The following TAF15 variants were observed in gnomAD, a reference collection of about 807,000 sequenced individuals.
TAF15 encodes TATA-binding protein-associated factor 2N.
Under a neutral mutation model 102.5 loss-of-function variants are expected in TAF15, and 37 were observed. The observed-to-expected ratio is 0.36, with a 90% CI of 0.28 to 0.47. The LOEUF (loss-of-function observed/expected upper bound fraction) is 0.47. Among genes scored for constraint, TAF15 ranks in the 20% least tolerant of loss-of-function variants. The pLI is 0.99. For missense variants in TAF15, 652 were observed against 760.7 expected, an observed-to-expected ratio of 0.86 and a Z score of 1.68; for synonymous variants, 273 against 259.2, an observed-to-expected ratio of 1.05 and a Z score of -0.51.
At chr17:35,842,298 T>A (rs2087557733) in intron 11 of TAF15, 69 bp from the exon 12 acceptor site, 2 of 1,220,340 alleles carry the variant, frequency 1.6e-6, no homozygotes, top group South Asian at 1.3e-5. Context: ...TTTCCAAGAC[T>A]TTTTCATTTT....
At chr17:35,817,367 T>C in intron 1 of TAF15, 1 of 277,822 alleles carries the variant, frequency 3.6e-6, no homozygotes, top group Non-Finnish European at 6.9e-6. Flanking sequence ...AGTGCATGTC[T>C]TTCCCCTTTT....
chr17:35,820,461 G>A (rs766423142), intron 5 of TAF15, 24 bp downstream of exon 5: 1 of 1,599,636 alleles, frequency 6.3e-7, no homozygotes, highest in South Asian at 1.1e-5. Flanking sequence ...AAAATACTGA[G>A]ATTGTTTTGG....
At chr17:35,843,360 A>G (rs1032084529) in intron 12 of TAF15, among the ~76,000 whole-genome samples, 2 of 152,048 alleles carry the variant, frequency 1.3e-5, no homozygotes, top group Non-Finnish European at 2.9e-5. Flanking sequence ...CCGACCTGAG[A>G]TGATCTGCTT....
At chr17:35,831,656 T>C (rs1267229234) in intron 7 of TAF15, among the ~76,000 whole-genome samples, 1 of 152,176 alleles carries the variant, frequency 6.6e-6, no homozygotes, top group African/African-American at 2.4e-5. Context: ...AAGAGGCATT[T>C]CTTCTAGCAC....
Position 35,843,679 on chromosome 17 carries a change from T to G in TAF15, c.1007-398T>G, listed in dbSNP as rs376153638. Among the ~76,000 whole-genome samples, 12 of 152,268 alleles carry G rather than the reference T, an allele frequency of 7.9e-5. No homozygotes were observed. In the East Asian group the frequency reaches 1.5e-3, roughly 20 times the overall value. On this transcript the variant is annotated intron_variant, in intron 12 of 15. Transcript: ENST00000605844. ...TAATGCTCAAAGGAAATGGTCATGG[T>G]CATTGAAGCATTTCAGGTTTTGGGT...
chr17:35,822,780 A>C lies in TAF15; in HGVS notation c.431A>C (p.Gln144Pro). ...NYDQQHDSYS[Q>P]NQQSYHSQRE... ...GATCAGCAGCATGATTCCTATAGTCAAAACCAGCAGTCCTATCATTCACAA... is the reference window on the plus strand; with the variant it reads ...GATCAGCAGCATGATTCCTATAGTCCAAACCAGCAGTCCTATCATTCACAA... The change falls in exon 6 of 16, where the codon CAA becomes CCA. Residue 144 changes from glutamine (Q) to proline (P), a missense_variant. Transcript: ENST00000605844. 6.2e-7 allele frequency: 1 copy of C among 1,614,228 alleles called. No individual in the cohort carries two copies. Among genetic ancestry groups the C allele is most frequent in the Non-Finnish European group, 8.5e-7 (1 of 1,180,036 alleles).
At chr17:35,811,627 A>G (rs1241587242) in intron 1 of TAF15, 1 of 152,244 alleles carries the variant, frequency 6.6e-6, no homozygotes, top group African/African-American at 2.4e-5. Context: ...TAAACATTCC[A>G]GACTACACAT....
chr17:35,819,553 T>C (rs925516141), intron 2 of TAF15, among the ~76,000 whole-genome samples: 5 of 152,174 alleles, frequency 3.3e-5, no homozygotes, highest in Admixed American at 3.3e-4. Context: ...TGCCTCCCTG[T>C]GCATCTTTTA....
At chr17:35,820,488 T>C in intron 5 of TAF15, 51 bp downstream of exon 5, 1 of 1,538,854 alleles carries the variant, frequency 6.5e-7, no homozygotes, top group South Asian at 1.1e-5. Flanking sequence ...GAAATAACAC[T>C]GATATTAAAC....
chr17:35,824,243 T>A, intron 7 of TAF15, 45 bp downstream of exon 7: 1 of 1,406,864 alleles, frequency 7.1e-7, no homozygotes, highest in Non-Finnish European at 9.7e-7. Flanking sequence ...TTCTTCCTCT[T>A]TTTTTTTTTT....
chr17:35,826,449 T>A (rs1343344344), intron 7 of TAF15, among the ~76,000 whole-genome samples: 1 of 152,154 alleles, frequency 6.6e-6, no homozygotes, highest in African/African-American at 2.4e-5. Flanking sequence ...TAACTATTCA[T>A]CTCTGCCCTT....
intron 7 of TAF15, among the ~76,000 whole-genome samples, chr17:35,832,090 CAAAA>C (rs372590905): frequency 3.2e-4 from 49 of 150,822 alleles, no homozygotes; most frequent in African/African-American, 8.5e-4. Flanking sequence ...AAAAAACAAA[CAAAA>C]AAAAACCTCT....
chr17:35,822,967 C>T (rs1398996601), intron 6 of TAF15, 134 bp downstream of exon 6: 1 of 1,085,108 alleles, frequency 9.2e-7, no homozygotes, highest in South Asian at 1.3e-5. Context: ...TGTTCCCTCT[C>T]ATGGTAATCA....
intron 1 of TAF15, among the ~76,000 whole-genome samples, chr17:35,812,595 A>G (rs1457618322): frequency 1.3e-5 from 2 of 151,658 alleles, no homozygotes; most frequent in Non-Finnish European, 2.9e-5. Flanking sequence ...AAAAAAAAAA[A>G]AAAAAAAAAA....
chr17:35,834,935 A>G (rs1484442806), intron 9 of TAF15, among the ~76,000 whole-genome samples: 1 of 151,766 alleles, frequency 6.6e-6, no homozygotes. Context: ...TAGTAGAGGC[A>G]GGGTTTCACC....
At position 35,841,250 on chromosome 17, in the gene TAF15, C is replaced by T. The variant is rs1233088359; in HGVS notation, c.914-1117C>T. 3.3e-5 allele frequency among the ~76,000 whole-genome samples: 5 copies of T among 152,320 alleles called. No individual in the cohort carries two copies. The Middle Eastern group carries it at 0.014, about 414-fold the overall frequency. On this transcript the variant is annotated intron_variant, in intron 11 of 15. Transcript: ENST00000605844. ...GAGTTTCTTTTTCACCTTTGAATCC[C>T]AGTGATCTTGTGTCCCCTAGTAAGC...
intron 1 of TAF15, among the ~76,000 whole-genome samples, chr17:35,813,482 AAAG>A (rs2087152065): frequency 1.3e-5 from 2 of 152,086 alleles, no homozygotes; most frequent in South Asian, 4.1e-4. Context: ...AAAATACAAA[AAAG>A]ATCAGCTGAA....
intron 7 of TAF15, among the ~76,000 whole-genome samples, chr17:35,831,878 C>G (rs922383793): frequency 1.3e-5 from 2 of 151,440 alleles, no homozygotes; most frequent in African/African-American, 2.4e-5. Flanking sequence ...GTCAGGAGAT[C>G]GAGACCATCC....
intron 7 of TAF15, chr17:35,830,238 T>C (rs2087386072): frequency 6.6e-6 from 1 of 151,788 alleles, no homozygotes; most frequent in Non-Finnish European, 1.5e-5. Flanking sequence ...TCACTGATGC[T>C]CAGGAGTTCG....
Sources: allele counts gnomAD v4.1 joint callset (sites outside exome capture counted in the v4.1 genomes callset), GRCh38; gene constraint gnomAD v4.1.1; transcripts MANE v1.5; gene names NCBI Gene and HGNC (gene_info 2026-07-23, HGNC 2026-07-21).